Variants in FAHD2A observed in about 807,000 individuals in gnomAD.
The protein encoded by FAHD2A is oxaloacetate tautomerase FAHD2A, mitochondrial.
FAHD2A carries 27 observed loss-of-function variants against 33.4 expected under a neutral mutation model. That is an observed-to-expected ratio of 0.81 (90% confidence interval 0.60 to 1.11). FAHD2A has a LOEUF of 1.11. Among genes scored for constraint, FAHD2A ranks in the 50% most tolerant of loss-of-function variants. FAHD2A has a pLI of 0.00. For synonymous variants in FAHD2A, 130 were observed against 153.3 expected, an observed-to-expected ratio of 0.85 and a Z score of 1.12; for missense variants, 296 against 395.0, an observed-to-expected ratio of 0.75 and a Z score of 2.12.
chr2:95,414,290 A>AT lies in FAHD2A; in HGVS notation c.*1333_*1334insT. The AT allele has an allele frequency of 7.6e-7, 1 of 1,308,920 alleles. No homozygotes were observed. Among genetic ancestry groups the AT allele is most frequent in the Non-Finnish European group, 1.1e-6 (1 of 906,872 alleles). 81.1% of individuals were successfully genotyped at this position (1,308,920 alleles called of 1,614,324 possible). On this transcript the variant is annotated 3_prime_UTR_variant, in exon 8 of 8. Transcript: ENST00000233379. ...TGGGCGGTGGCCTGCAGGAACTGGA[A>AT]CAGCTGTTGGAGAGGAGAAGAAAAA...
Position 95,414,016 on chromosome 2 carries a change from C to T in FAHD2A, c.*1059C>T, listed in dbSNP as rs998037343. The T allele has an allele frequency of 6.9e-7, 1 of 1,455,438 alleles. No individual in the cohort carries two copies. The highest frequency in any genetic ancestry group is 9.6e-7 in the Non-Finnish European group (1 of 1,036,888). 90.2% of individuals were successfully genotyped at this position (1,455,438 alleles called of 1,614,324 possible). A position where few individuals can be genotyped will look rare whatever the true frequency, so the allele number is the denominator to read the frequency against. ...ATGGCAAGCTTTGGGTCTGCACACT[C>T]TGGAAAGAAGAGAGAAGTGAAGGCT... On this transcript the variant is annotated 3_prime_UTR_variant, in exon 8 of 8. Coordinates refer to ENST00000233379, the MANE Select transcript of FAHD2A (RefSeq NM_016044.3).
chr2:95,411,581 A>T (rs568800696), intron 5 of FAHD2A, among the ~76,000 whole-genome samples: 1 of 152,360 alleles, frequency 6.6e-6, no homozygotes, highest in South Asian at 2.1e-4. Context: ...CAAAGACCCC[A>T]GTGCCTCAGC....
At chr2:95,416,903 T>C (rs1683208272), downstream of FAHD2A, among the ~76,000 whole-genome samples, 1 of 152,200 alleles carries the variant, frequency 6.6e-6, no homozygotes, top group Non-Finnish European at 1.5e-5. Context: ...ACCCTAAGGA[T>C]CCACCCAGGA....
At chr2:95,419,126 C>A (rs1369592621), downstream of FAHD2A, among the ~76,000 whole-genome samples, 4 of 152,044 alleles carry the variant, frequency 2.6e-5, no homozygotes, top group Non-Finnish European at 5.9e-5. Context: ...CCTGCTACAT[C>A]TTGATTTTGT....
chr2:95,407,553 G>C (rs535161256), intron 3 of FAHD2A: 1 of 196,596 alleles, frequency 5.1e-6, no homozygotes, highest in South Asian at 1.1e-4. Flanking sequence ...ATGCCATTAA[G>C]TATTCGCCCT....
In FAHD2A at chr2:95,407,177, C is replaced by T. The variant is rs775055191; in HGVS notation, c.462+20C>T. On this transcript the variant is annotated intron_variant, in intron 3 of 7. Coordinates refer to ENST00000233379, the MANE Select transcript of FAHD2A (RefSeq NM_016044.3). Reference sequence around the variant, plus strand: ...AGCCAGGTCAGTGTCTCCCCACTGCCCTCCCTAGTCACTGGGCCCATCACA... The same window carrying T: ...AGCCAGGTCAGTGTCTCCCCACTGCTCTCCCTAGTCACTGGGCCCATCACA... 1.2e-6 allele frequency: 2 copies of T among 1,611,948 alleles called. No homozygotes were observed. Among genetic ancestry groups the T allele is most frequent in the South Asian group, 2.2e-5 (2 of 90,978 alleles).
At chr2:95,408,248 A>G (rs559829562) in intron 3 of FAHD2A, among the ~76,000 whole-genome samples, 2 of 152,250 alleles carry the variant, frequency 1.3e-5, no homozygotes, top group African/African-American at 4.8e-5. Context: ...CCAATTCCCA[A>G]TCGGAAGTAC....
Position 95,407,153 on chromosome 2 carries a change from G to A in FAHD2A, c.458G>A (p.Ser153Asn), listed in dbSNP as rs1448971442. 6.2e-7 allele frequency: 1 copy of A among 1,612,040 alleles called. No individual in the cohort carries two copies. Among genetic ancestry groups the A allele is most frequent in the South Asian group, 1.1e-5 (1 of 90,984 alleles). Residue 153 changes from serine to asparagine, a missense_variant, in exon 3 of 8, where the codon AGC (serine) becomes AAC (asparagine). Ser to Asn is a conservative substitution (Grantham distance 46). Coordinates refer to ENST00000233379, the MANE Select transcript of FAHD2A (RefSeq NM_016044.3). ...GATGAGGTGGTCCTCCCACCACAGA[G>A]CCAGGTCAGTGTCTCCCCACTGCCC... Reference protein sequence around the residue: ...PYDEVVLPPQSQEVDWEVELA... With the variant: ...PYDEVVLPPQNQEVDWEVELA...
rs1490516253 is a variant in FAHD2A at position 95,413,277 on chromosome 2, T to A, written c.*320T>A. On this transcript the variant is annotated 3_prime_UTR_variant, in exon 8 of 8. Coordinates refer to ENST00000233379, the MANE Select transcript of FAHD2A (RefSeq NM_016044.3). ...GCTGGGGAAAAGACAATTCGTGTCG[T>A]CCCCTTGTTTATCACATCAAAGAAG... 7.3e-7 allele frequency: 1 copy of A among 1,361,828 alleles called. No homozygotes were observed. The highest frequency in any genetic ancestry group is 9.8e-7 in the Non-Finnish European group (1 of 1,021,500). 84.4% of individuals were successfully genotyped at this position (1,361,828 alleles called of 1,614,324 possible).
chr2:95,410,797 C>T (rs1682356957), intron 4 of FAHD2A, 67 bp from the exon 5 acceptor site: 1 of 1,596,446 alleles, frequency 6.3e-7, no homozygotes, highest in Non-Finnish European at 8.5e-7. Context: ...TTAGAGATCC[C>T]TTGCCATAGG....
At chr2:95,412,641 C>T (rs760347342) in intron 6 of FAHD2A, 36 bp from the exon 7 acceptor site, 11 of 1,613,834 alleles carry the variant, frequency 6.8e-6, no homozygotes, top group East Asian at 2.2e-5. Context: ...CCTCAGCCAG[C>T]CCCTGGTCTC....
intron 1 of FAHD2A, 77 bp downstream of exon 1, chr2:95,402,949 C>G (rs981543775): frequency 1.3e-5 from 2 of 152,404 alleles, no homozygotes; most frequent in Admixed American, 1.3e-4. Context: ...GAACTAGTAC[C>G]GGATCCCCAG....
downstream of FAHD2A, among the ~76,000 whole-genome samples, chr2:95,417,510 G>A (rs1195770984): frequency 1.3e-5 from 2 of 152,226 alleles, no homozygotes; most frequent in African/African-American, 4.8e-5. Context: ...ATTTACCTAT[G>A]AGAGAAAAGA....
intron 2 of FAHD2A, 72 bp from the exon 3 acceptor site, chr2:95,406,869 G>T: frequency 6.7e-7 from 1 of 1,488,628 alleles, no homozygotes; most frequent in Middle Eastern, 1.8e-4. Context: ...GCTGCTGCAG[G>T]ATCTGCCCAG....
downstream of FAHD2A, among the ~76,000 whole-genome samples, chr2:95,418,312 T>C (rs1399599119): frequency 6.6e-6 from 1 of 151,808 alleles, no homozygotes; most frequent in South Asian, 2.1e-4. Flanking sequence ...CATGGGGATA[T>C]ATTGTTTTTG....
downstream of FAHD2A, among the ~76,000 whole-genome samples, chr2:95,417,538 C>T (rs2551306): frequency 5.3e-5 from 8 of 152,088 alleles, no homozygotes; most frequent in South Asian, 2.1e-4. Flanking sequence ...GGATGCCCTT[C>T]GGCCTCATTT....
intron 3 of FAHD2A, among the ~76,000 whole-genome samples, chr2:95,408,893 T>C (rs1165166731): frequency 6.6e-6 from 1 of 152,264 alleles, no homozygotes; most frequent in Non-Finnish European, 1.5e-5. Context: ...CAAAGTTGAT[T>C]ATAGCAGATG....
rs770151762 is a variant in FAHD2A at position 95,410,517 on chromosome 2, C to T, written c.463-10C>T. 1.1e-5 allele frequency: 17 copies of T among 1,605,796 alleles called. No homozygotes were observed. The Admixed American group carries it at 1.2e-4, about 11-fold the overall frequency. ...CCACTGCAGCTCACTGTTCCTCTCC[C>T]ACCCTACAGGAGGTAGATTGGGAAG... On this transcript the variant is annotated splice_polypyrimidine_tract_variant and intron_variant, in intron 3 of 7. Coordinates refer to ENST00000233379, the MANE Select transcript of FAHD2A (RefSeq NM_016044.3).
chr2:95,405,484 G>A (rs747666786), intron 1 of FAHD2A, 69 bp from the exon 2 acceptor site: 15 of 1,547,328 alleles, frequency 9.7e-6, no homozygotes, highest in Non-Finnish European at 1.2e-5. Context: ...TATAGCCCTA[G>A]GAATTTCAGG....
Sources: gnomAD v4.1 joint callset for allele counts (sites outside exome capture counted in the v4.1 genomes callset) on GRCh38, gnomAD v4.1.1 for gene constraint, MANE v1.5 for transcripts, NCBI Gene and HGNC (gene_info 2026-07-23, HGNC 2026-07-21) for gene names.